PALLD: variants seen among roughly 807,000 people sequenced by gnomAD.
PALLD encodes the protein palladin, cytoskeletal associated protein, also known as palladin.
In PALLD, 61 loss-of-function variants were observed where a neutral mutation model predicts 123.5. That is an observed-to-expected ratio of 0.49 (90% CI 0.40 to 0.61). The LOEUF (loss-of-function observed/expected upper bound fraction) is 0.61, where lower values mean the gene tolerates loss of function less well. Among genes scored for constraint, PALLD ranks in the 20% least tolerant of loss-of-function variants. The probability of loss-of-function intolerance (pLI) is 0.00; values close to 1 mark genes in which losing one functional copy is unlikely to be tolerated. For synonymous variants in PALLD, 465 were observed against 496.4 expected, an observed-to-expected ratio of 0.94 and a Z score of 0.84; for missense variants, 1,273 against 1,377.0, an observed-to-expected ratio of 0.92 and a Z score of 1.20.
At chr4:168,593,345 G>C (rs1771632040) in intron 2 of PALLD, among the ~76,000 whole-genome samples, 3 of 150,698 alleles carry the variant, frequency 2.0e-5, no homozygotes, top group Non-Finnish European at 4.4e-5. Flanking sequence ...GGGAGGAAGA[G>C]AGACCTCTCA....
chr4:168,869,523 T>C lies in PALLD; in HGVS notation c.1965-21399T>C, dbSNP rs1750793957. Reference sequence around the variant, plus strand: ...TGGCCCTCCAAAAGAGAGCAGTGCATGAGAAGAGGCCAACAGGAAGGAAAA... The same window carrying C: ...TGGCCCTCCAAAAGAGAGCAGTGCACGAGAAGAGGCCAACAGGAAGGAAAA... On this transcript the variant is annotated intron_variant, in intron 10 of 21. Transcript: ENST00000505667. The surrounding 1 kb of genome is among the most constrained non-coding windows in gnomAD (Gnocchi z 4.5). Among the ~76,000 whole-genome samples, 1 of 151,948 alleles carries C rather than the reference T, an allele frequency of 6.6e-6. No homozygotes were observed. Among genetic ancestry groups the C allele is most frequent in the African/African-American group, 2.4e-5 (1 of 41,352 alleles).
chr4:168,594,632 G>A (rs1258297445), intron 2 of PALLD, among the ~76,000 whole-genome samples: 1 of 152,086 alleles, frequency 6.6e-6, no homozygotes, highest in East Asian at 1.9e-4. Flanking sequence ...CCTCTCTGGT[G>A]CCCAATTGGG....
Position 168,928,141 on chromosome 4 carries a change from C to A in PALLD, c.*1961C>A. On this transcript the variant is annotated 3_prime_UTR_variant, in exon 22 of 22. Transcript: ENST00000505667. ...GCAGTGTGGTTCAAGTTTCTTTGAC[C>A]GCACTTATATGCATTGCTAATATGG... The A allele has an allele frequency of 5.2e-6, 1 of 190,862 alleles. No individual in the cohort carries two copies. Among genetic ancestry groups the A allele is most frequent in the Non-Finnish European group, 1.1e-5 (1 of 90,678 alleles). The allele number at this position is 190,862 out of a possible 1,614,324, so 11.8% of individuals were successfully genotyped here.
chr4:168,910,147 G>A (rs1758613278), intron 15 of PALLD, among the ~76,000 whole-genome samples: 1 of 151,476 alleles, frequency 6.6e-6, no homozygotes, highest in Admixed American at 6.6e-5. Context: ...ATGGTTCTAA[G>A]CAGTAGCAGC....
chr4:168,898,272 C>G lies in PALLD; in HGVS notation c.2251-221C>G, dbSNP rs887439581. 4.9e-5 allele frequency: 28 copies of G among 576,910 alleles called. No homozygotes were observed. The Admixed American group carries it at 8.4e-4, about 17-fold the overall frequency. The allele number at this position is 576,910 out of a possible 1,614,324, so 35.7% of individuals were successfully genotyped here. A position where few individuals can be genotyped will look rare whatever the true frequency, so the allele number is the denominator to read the frequency against. On this transcript the variant is annotated intron_variant, in intron 13 of 21. Coordinates refer to ENST00000505667, the MANE Select transcript of PALLD (RefSeq NM_001166108.2). The stretch of plus-strand genomic sequence containing the variant: ...AAAAAAATTCATCTTTCCTACCCCC[C>G]TCTTTTTGGATGATAGGACTTGAAG...
intron 10 of PALLD, among the ~76,000 whole-genome samples, chr4:168,744,226 G>A (rs755020106): frequency 2.2e-4 from 34 of 152,094 alleles, no homozygotes; most frequent in Non-Finnish European, 4.0e-4. Flanking sequence ...AGAATCGTGC[G>A]TGTCCAGGAA....
At chr4:168,539,576 T>A (rs1259808157) in intron 2 of PALLD, among the ~76,000 whole-genome samples, 11 of 12,140 alleles carry the variant, frequency 9.1e-4, no homozygotes, top group African/African-American at 2.5e-3. Flanking sequence ...TAAAAATAAA[T>A]AAATAAATAA....
chr4:168,771,076 CA>C (rs201127407), intron 10 of PALLD, among the ~76,000 whole-genome samples: 5 of 36,872 alleles, frequency 1.4e-4, no homozygotes, highest in East Asian at 4.5e-4. Context: ...AAAAAAAAAA[CA>C]AAAAAAAAAC....
rs1781994546 is a variant in PALLD at position 168,685,855 on chromosome 4, C to CTT, written c.1335+297_1335+298dup. On this transcript the variant is annotated intron_variant, in intron 6 of 21. Coordinates refer to ENST00000505667, the MANE Select transcript of PALLD (RefSeq NM_001166108.2). Reference sequence around the variant, plus strand: ...AAAAAACCTGCTGTGTAGGAAATTGCTTAGGAGATCTAGCAAGTTTTATAG... The same window carrying CTT: ...AAAAAACCTGCTGTGTAGGAAATTGCTTTTAGGAGATCTAGCAAGTTTTATAG... Among the ~76,000 whole-genome samples the CTT allele has an allele frequency of 2.1e-5, 3 of 139,858 alleles. No homozygotes were observed. The South Asian group carries it at 7.1e-4, about 33-fold the overall frequency. 91.8% of individuals were successfully genotyped at this position (139,858 alleles called of 152,430 possible). A position where few individuals can be genotyped will look rare whatever the true frequency, so the allele number is the denominator to read the frequency against.
At chr4:168,925,618 T>TAAAGA (rs1553985316) in intron 21 of PALLD, among the ~76,000 whole-genome samples, 1 of 152,146 alleles carries the variant, frequency 6.6e-6, no homozygotes, top group African/African-American at 2.4e-5. Context: ...ATCCCAAATT[T>TAAAGA]AAAGAAAATT....
At chr4:168,579,434 T>C (rs1345960392) in intron 2 of PALLD, among the ~76,000 whole-genome samples, 1 of 152,124 alleles carries the variant, frequency 6.6e-6, no homozygotes, top group Non-Finnish European at 1.5e-5. Flanking sequence ...TGGAAAAACA[T>C]AGGAATACTC....
chr4:168,892,177 A>G (rs1036643673), intron 11 of PALLD, among the ~76,000 whole-genome samples: 4 of 152,086 alleles, frequency 2.6e-5, no homozygotes, highest in African/African-American at 9.7e-5. Flanking sequence ...TACTATTTCC[A>G]GAATATTTTA....
At chr4:168,763,830 G>A (rs1733288691) in intron 10 of PALLD, among the ~76,000 whole-genome samples, 2 of 152,162 alleles carry the variant, frequency 1.3e-5, no homozygotes. Flanking sequence ...CAGGTCAGGA[G>A]TGACCAGGCC....
intron 10 of PALLD, among the ~76,000 whole-genome samples, chr4:168,767,638 CCCG>C (rs1313715388): frequency 6.6e-6 from 1 of 151,888 alleles, no homozygotes; most frequent in Non-Finnish European, 1.5e-5. Context: ...ACCTCCGCCT[CCCG>C]GGTTCAAGCG....
rs1781715049 is a variant in PALLD at position 168,683,115 on chromosome 4, T to C, written c.1260+12T>C. 1.3e-6 allele frequency: 2 copies of C among 1,528,034 alleles called. No homozygotes were observed. Among genetic ancestry groups the C allele is most frequent in the Non-Finnish European group, 1.8e-6 (2 of 1,101,910 alleles). 94.7% of individuals were successfully genotyped at this position (1,528,034 alleles called of 1,614,324 possible). On this transcript the variant is annotated intron_variant, in intron 5 of 21. Coordinates refer to ENST00000505667, the MANE Select transcript of PALLD (RefSeq NM_001166108.2). Reference sequence around the variant, plus strand: ...TCCCTGTGCAACAGGTAAGTATGCTTTGAGCCAGAGCCCATAAGGGGTCGA... The same window carrying C: ...TCCCTGTGCAACAGGTAAGTATGCTCTGAGCCAGAGCCCATAAGGGGTCGA...
intron 2 of PALLD, among the ~76,000 whole-genome samples, chr4:168,607,458 C>G (rs2149749710): frequency 6.6e-6 from 1 of 152,238 alleles, no homozygotes; most frequent in African/African-American, 2.4e-5. Flanking sequence ...AGCTTTTTTT[C>G]TGTAAGAATT....
chr4:168,619,119 G>A (rs932081754), intron 2 of PALLD, among the ~76,000 whole-genome samples: 9 of 152,340 alleles, frequency 5.9e-5, no homozygotes, highest in East Asian at 1.9e-4. Flanking sequence ...ACATGCTCAC[G>A]GAGGTCACCT....
At chr4:168,670,445 G>A (rs924005003) in intron 3 of PALLD, among the ~76,000 whole-genome samples, 9 of 151,916 alleles carry the variant, frequency 5.9e-5, no homozygotes, top group South Asian at 2.1e-4. Context: ...AAAAAAAGCC[G>A]GGCGCGGGCC....
intron 10 of PALLD, among the ~76,000 whole-genome samples, chr4:168,738,867 A>T (rs1788042918): frequency 6.6e-6 from 1 of 152,086 alleles, no homozygotes; most frequent in Non-Finnish European, 1.5e-5. Flanking sequence ...TGAGTACTGT[A>T]TAATATTTCT....
Sources: gnomAD v4.1 joint callset for allele counts (sites outside exome capture counted in the v4.1 genomes callset) on GRCh38, gnomAD v4.1.1 for gene constraint, Gnocchi (gnomAD v3.1) non-coding constraint, MANE v1.5 for transcripts, NCBI Gene and HGNC (gene_info 2026-07-23, HGNC 2026-07-21) for gene names.